Variants in SEC14L1 observed in about 807,000 individuals in gnomAD.
SEC14L1 encodes the protein SEC14 like lipid binding 1.
SEC14L1 carries 48 observed loss-of-function variants against 85.3 expected under a neutral mutation model. The ratio of observed to expected loss-of-function variants is 0.56; its 90% CI spans 0.45 to 0.72. The LOEUF is 0.72. SEC14L1 is among the 30% of genes least tolerant of loss of function. The probability of loss-of-function intolerance (pLI) is 0.00; values close to 1 mark genes in which losing one functional copy is unlikely to be tolerated. For synonymous variants in SEC14L1, 391 were observed against 355.5 expected (o/e 1.10, Z -1.12); for missense variants, 682 against 921.4 (o/e 0.74, Z 3.36).
At chr17:77,136,815 C>T (rs1040749540), upstream of SEC14L1, among the ~76,000 whole-genome samples, 5 of 151,806 alleles carry the variant, frequency 3.3e-5, no homozygotes, top group Non-Finnish European at 5.9e-5. Flanking sequence ...AGGCCATTCT[C>T]GAATTGCTAT....
chr17:77,195,057 G>A (rs1433248489), intron 7 of SEC14L1, 146 bp downstream of exon 7: 1 of 620,982 alleles, frequency 1.6e-6, no homozygotes, highest in Non-Finnish European at 2.8e-6. Context: ...TCTGGCCCTT[G>A]TCCTCTCGCT....
chr17:77,136,166 C>T (rs750024824), upstream of SEC14L1, among the ~76,000 whole-genome samples: 4 of 151,912 alleles, frequency 2.6e-5, no homozygotes, highest in African/African-American at 7.3e-5. Context: ...TGAGCCACTG[C>T]GCCTGGCCCC....
chr17:77,136,429 TA>T (rs1424541297), upstream of SEC14L1, among the ~76,000 whole-genome samples: 2 of 152,116 alleles, frequency 1.3e-5, no homozygotes, highest in Non-Finnish European at 2.9e-5. Context: ...CACTACATTT[TA>T]ATAGTTTGAT....
At chr17:77,184,679 G>T (rs949061559) in intron 3 of SEC14L1, among the ~76,000 whole-genome samples, 1 of 152,126 alleles carries the variant, frequency 6.6e-6, no homozygotes, top group East Asian at 1.9e-4. Context: ...GTAATCAACC[G>T]CACGGATTCC....
chr17:77,215,222 C>T lies in SEC14L1; in HGVS notation c.*1199C>T. The T allele has an allele frequency of 1.0e-6, 1 of 985,358 alleles. No homozygotes were observed. The allele number at this position is 985,358 out of a possible 1,614,324, so 61.0% of individuals were successfully genotyped here. The stretch of plus-strand genomic sequence containing the variant: ...TTGCCTTTTACATTTTGTTTAATTC[C>T]TGATTTTAAAGCCTGCTCTATCTGG... On this transcript the variant is annotated 3_prime_UTR_variant, in exon 17 of 17. Transcript: ENST00000436233.
At chr17:77,195,465 T>C (rs941618580) in intron 7 of SEC14L1, among the ~76,000 whole-genome samples, 2 of 152,152 alleles carry the variant, frequency 1.3e-5, no homozygotes, top group Non-Finnish European at 1.5e-5. Context: ...ACCACAGGCA[T>C]GTGCCACCAC....
At chr17:77,182,139 G>T (rs1975066878) in intron 3 of SEC14L1, among the ~76,000 whole-genome samples, 1 of 152,094 alleles carries the variant, frequency 6.6e-6, no homozygotes, top group African/African-American at 2.4e-5. Context: ...TGGTGTGTTG[G>T]CTAAACTGGG....
intron 8 of SEC14L1, chr17:77,199,540 C>A: frequency 6.5e-6 from 1 of 154,504 alleles, no homozygotes; most frequent in South Asian, 1.7e-4. Context: ...TCAACATCAT[C>A]CATGTTTAAT....
intron 3 of SEC14L1, among the ~76,000 whole-genome samples, chr17:77,159,258 G>C (rs1424136529): frequency 6.6e-6 from 1 of 151,908 alleles, no homozygotes. Context: ...GTAGAGATGG[G>C]GGTTCGCCCT....
intron 3 of SEC14L1, among the ~76,000 whole-genome samples, chr17:77,168,877 C>A (rs1299133557): frequency 6.6e-6 from 1 of 152,044 alleles, no homozygotes; most frequent in East Asian, 1.9e-4. Context: ...AGTTGACCAC[C>A]AGAACAGTGC....
chr17:77,198,652 G>T (rs1975944357), intron 8 of SEC14L1, among the ~76,000 whole-genome samples: 1 of 150,426 alleles, frequency 6.6e-6, no homozygotes, highest in African/African-American at 2.5e-5. Flanking sequence ...TCGGCTCACT[G>T]CAAGATCCGC....
chr17:77,091,545 C>T (rs1971517521), intron 2 of SEC14L1, among the ~76,000 whole-genome samples: 1 of 152,218 alleles, frequency 6.6e-6, no homozygotes, highest in Non-Finnish European at 1.5e-5. Flanking sequence ...CAGCCGCAAG[C>T]CACATGTAGC....
chr17:77,189,829 C>T (rs897424000), intron 3 of SEC14L1, among the ~76,000 whole-genome samples: 1 of 152,112 alleles, frequency 6.6e-6, no homozygotes, highest in Non-Finnish European at 1.5e-5. Flanking sequence ...GGGGTTTCAC[C>T]GTGTTAGCCT....
At position 77,213,771 on chromosome 17, in the gene SEC14L1, C is replaced by A; in HGVS notation, c.2043-147C>A. 9.2e-7 allele frequency: 1 copy of A among 1,090,992 alleles called. No individual in the cohort carries two copies. Among genetic ancestry groups the A allele is most frequent in the Non-Finnish European group, 1.4e-6 (1 of 729,002 alleles). The allele number at this position is 1,090,992 out of a possible 1,614,324, so 67.6% of individuals were successfully genotyped here. A position where few individuals can be genotyped will look rare whatever the true frequency, so the allele number is the denominator to read the frequency against. On this transcript the variant is annotated intron_variant, in intron 16 of 16. Coordinates refer to ENST00000436233, the MANE Select transcript of SEC14L1 (RefSeq NM_001143998.2). The surrounding 1 kb of genome is among the most constrained non-coding windows in gnomAD (Gnocchi z 7.1). The stretch of plus-strand genomic sequence containing the variant: ...GGAAGCCGGTCCCCCTGGTGGGTTA[C>A]TCATGTCCATCCCCCGTTTGCAAGC...
At chr17:77,211,820 A>G (rs1208774133) in intron 14 of SEC14L1, 130 bp from the exon 15 acceptor site, 35 of 1,152,636 alleles carry the variant, frequency 3.0e-5, no homozygotes, top group Non-Finnish European at 3.7e-5. Flanking sequence ...AGATCCGTCC[A>G]TACGCATTCA....
intron 3 of SEC14L1, among the ~76,000 whole-genome samples, chr17:77,097,923 A>G (rs759255532): frequency 5.9e-5 from 9 of 152,094 alleles, no homozygotes; most frequent in Non-Finnish European, 8.8e-5. Context: ...GGGGTTTGCA[A>G]TTTTAGATGG....
At chr17:77,088,792 T>A (rs1375544240) in exon 1 of SEC14L1, 1 of 152,130 alleles carries the variant, frequency 6.6e-6, no homozygotes, top group Non-Finnish European at 1.5e-5. Flanking sequence ...TGACCACAGT[T>A]CCGCCGCCAT....
intron 3 of SEC14L1, among the ~76,000 whole-genome samples, chr17:77,132,397 AT>A (rs1972639411): frequency 1.3e-5 from 2 of 151,778 alleles, no homozygotes; most frequent in African/African-American, 4.8e-5. Context: ...TAATTTTTAC[AT>A]TTTTAGTGGA....
In SEC14L1 at chr17:77,105,017, GAAGA is replaced by G. The variant is rs372543791; in HGVS notation, c.-136+11671_-136+11674del. On this transcript the variant is annotated intron_variant, in intron 3 of 19. Coordinates refer to the SEC14L1 transcript ENST00000392476. ...CCAGGATAACTTGAAGCAAAGGAAG[GAAGA>G]CTCAGGAAGGGAGCTTCCAGGTCAC... Among the ~76,000 whole-genome samples, 181 of 152,104 alleles carry G rather than the reference GAAGA, an allele frequency of 1.2e-3. 3 individuals carry two copies. The South Asian group carries it at 0.034, about 28-fold the overall frequency.
Sources: allele counts gnomAD v4.1 joint callset (sites outside exome capture counted in the v4.1 genomes callset), GRCh38; gene constraint gnomAD v4.1.1; non-coding constraint Gnocchi (gnomAD v3.1); transcripts MANE v1.5; gene names NCBI Gene and HGNC (gene_info 2026-07-23, HGNC 2026-07-21).